INPP4B: variants seen among roughly 807,000 people sequenced by gnomAD.
The protein encoded by INPP4B is inositol polyphosphate 4-phosphatase type II.
In INPP4B, 55 loss-of-function variants were observed where a neutral mutation model predicts 122.5. That is an observed-to-expected ratio of 0.45 (90% CI 0.36 to 0.56). The LOEUF (loss-of-function observed/expected upper bound fraction) is 0.56, where lower values mean the gene tolerates loss of function less well. INPP4B is among the 20% of genes least tolerant of loss of function. The probability of loss-of-function intolerance (pLI) is 0.00; values close to 1 mark genes in which losing one functional copy is unlikely to be tolerated. For synonymous variants in INPP4B, 403 were observed against 388.7 expected (o/e 1.04, Z -0.43); for missense variants, 1,000 against 1,097.7 (o/e 0.91, Z 1.26).
intron 9 of INPP4B, among the ~76,000 whole-genome samples, chr4:142,289,171 G>A (rs1319902463): frequency 6.6e-6 from 1 of 152,076 alleles, no homozygotes; most frequent in African/African-American, 2.4e-5. Flanking sequence ...TTTTAGCAGT[G>A]AATTTTTAAA....
intron 8 of INPP4B, among the ~76,000 whole-genome samples, chr4:142,312,737 A>G (rs1411684627): frequency 2.6e-5 from 4 of 152,158 alleles, no homozygotes; most frequent in African/African-American, 9.7e-5. Context: ...TGGGCAGTGG[A>G]GGAAGTGGGC....
chr4:142,611,723 T>C (rs139141224), intron 2 of INPP4B, among the ~76,000 whole-genome samples: 1,638 of 131,894 alleles, frequency 0.012, 25 homozygotes, highest in African/African-American at 0.035. Flanking sequence ...GGCTGGAGTG[T>C]GGTGGTGTGA....
chr4:142,338,375 A>G (rs1225541164), intron 7 of INPP4B, among the ~76,000 whole-genome samples: 2 of 152,030 alleles, frequency 1.3e-5, no homozygotes, highest in African/African-American at 4.8e-5. Context: ...GGCTGGGACT[A>G]CAGGCGCCCG....
intron 2 of INPP4B, among the ~76,000 whole-genome samples, chr4:142,465,256 A>G (rs563403266): frequency 3.3e-5 from 5 of 152,188 alleles, no homozygotes; most frequent in Middle Eastern, 3.4e-3. Flanking sequence ...TTTTGTTCCC[A>G]TTATGGGGTC....
At chr4:142,145,719 C>A (rs1165924111) in intron 18 of INPP4B, 121 bp downstream of exon 18, 5 of 915,500 alleles carry the variant, frequency 5.5e-6, no homozygotes, top group African/African-American at 5.0e-5. Context: ...AGTGGAAAAG[C>A]ATGCTATCAG....
intron 7 of INPP4B, among the ~76,000 whole-genome samples, chr4:142,341,884 C>A (rs1205553457): frequency 6.6e-6 from 1 of 152,004 alleles, no homozygotes; most frequent in East Asian, 1.9e-4. Context: ...CTGAATCTTG[C>A]CAATAAGGGG....
chr4:142,611,630 C>CTTTTT (rs1560863610), intron 2 of INPP4B, among the ~76,000 whole-genome samples: 1 of 90,734 alleles, frequency 1.1e-5, no homozygotes, highest in African/African-American at 4.1e-5. Context: ...TCTGTTTTTT[C>CTTTTT]TTTTTTCTTT....
intron 3 of INPP4B, among the ~76,000 whole-genome samples, chr4:142,439,672 ACT>A (rs1170045415): frequency 6.6e-6 from 1 of 152,112 alleles, no homozygotes; most frequent in African/African-American, 2.4e-5. Context: ...TAAGAAAGAA[ACT>A]CTCTAATGTT....
intron 1 of INPP4B, among the ~76,000 whole-genome samples, chr4:142,798,219 A>G (rs1166906131): frequency 6.6e-6 from 1 of 151,930 alleles, no homozygotes; most frequent in Non-Finnish European, 1.5e-5. Context: ...CTATTTTTAC[A>G]CATAAAAAGC....
intron 16 of INPP4B, 66 bp from the exon 17 acceptor site, chr4:142,160,627 G>A (rs1055032380): frequency 8.4e-7 from 1 of 1,194,736 alleles, no homozygotes; most frequent in Non-Finnish European, 1.2e-6. Context: ...CTGTGAAAAG[G>A]TCAATTGCAG....
At chr4:142,155,934 AAAATT>A (rs1310492251) in intron 17 of INPP4B, among the ~76,000 whole-genome samples, 1 of 149,342 alleles carries the variant, frequency 6.7e-6, no homozygotes, top group Non-Finnish European at 1.5e-5. Context: ...AAATTATTGA[AAAATT>A]AATATGGATG....
At chr4:142,675,193 A>C (rs1757568433) in intron 2 of INPP4B, among the ~76,000 whole-genome samples, 1 of 152,170 alleles carries the variant, frequency 6.6e-6, no homozygotes, top group South Asian at 2.1e-4. Context: ...CAGAAATACA[A>C]ACCACCGTCA....
At chr4:142,763,527 A>G (rs1472015304) in intron 1 of INPP4B, among the ~76,000 whole-genome samples, 1 of 152,192 alleles carries the variant, frequency 6.6e-6, no homozygotes, top group East Asian at 1.9e-4. Flanking sequence ...CAGAAAAATC[A>G]ACCCATGATT....
intron 2 of INPP4B, among the ~76,000 whole-genome samples, chr4:142,663,353 T>C (rs1446171611): frequency 6.6e-6 from 1 of 152,190 alleles, no homozygotes; most frequent in Non-Finnish European, 1.5e-5. Context: ...GGTCTGTATA[T>C]TGAAGGATAA....
chr4:142,235,695 G>A (rs1037611439), intron 12 of INPP4B, among the ~76,000 whole-genome samples: 1 of 152,166 alleles, frequency 6.6e-6, no homozygotes, highest in Admixed American at 6.5e-5. Context: ...AAAGTGCTGG[G>A]ATTACAGGCG....
chr4:142,305,309 T>C (rs768561989), intron 9 of INPP4B, 149 bp downstream of exon 9: 41 of 595,240 alleles, frequency 6.9e-5, no homozygotes, highest in Non-Finnish European at 1.1e-4. Context: ...AATTGCTGTT[T>C]CACTATAACT....
At chr4:142,255,405 C>A (rs1735265930) in intron 11 of INPP4B, among the ~76,000 whole-genome samples, 1 of 152,134 alleles carries the variant, frequency 6.6e-6, no homozygotes, top group African/African-American at 2.4e-5. Context: ...AAGACACACA[C>A]TGGCAAATTG....
intron 1 of INPP4B, among the ~76,000 whole-genome samples, chr4:142,840,830 C>A (rs544317391): frequency 6.6e-6 from 1 of 152,054 alleles, no homozygotes; most frequent in African/African-American, 2.4e-5. Context: ...GTCTAAAATA[C>A]TTTATTCATA....
At chr4:142,159,710 C>G (rs546918964) in intron 17 of INPP4B, among the ~76,000 whole-genome samples, 1 of 152,000 alleles carries the variant, frequency 6.6e-6, no homozygotes, top group East Asian at 1.9e-4. Flanking sequence ...ACACCCTGTT[C>G]CTCTGCCATG....
Sources: gnomAD v4.1 joint callset for allele counts (sites outside exome capture counted in the v4.1 genomes callset) on GRCh38, gnomAD v4.1.1 for gene constraint, MANE v1.5 for transcripts, NCBI Gene and HGNC (gene_info 2026-07-23, HGNC 2026-07-21) for gene names.